The following ADCY2 variants were observed in gnomAD, a reference collection of about 807,000 sequenced individuals.
ADCY2 encodes the protein adenylate cyclase 2.
In ADCY2, 31 loss-of-function variants were observed where a neutral mutation model predicts 125.2. The ratio of observed to expected loss-of-function variants is 0.25; its 90% confidence interval spans 0.19 to 0.33. The LOEUF (loss-of-function observed/expected upper bound fraction) is 0.33, where lower values mean the gene tolerates loss of function less well. ADCY2 is among the 10% of genes least tolerant of loss of function. The pLI is 1.00. For missense variants in ADCY2, 904 were observed against 1,418.2 expected (o/e 0.64, Z 5.82); for synonymous variants, 512 against 548.4 (o/e 0.93, Z 0.93).
chr5:7,668,113 G>T (rs1265554230), intron 4 of ADCY2, among the ~76,000 whole-genome samples: 5 of 152,214 alleles, frequency 3.3e-5, no homozygotes, highest in African/African-American at 1.2e-4. Flanking sequence ...TGAAACTATG[G>T]TGGGATGGTT....
At chr5:7,740,555 T>A (rs1742378800) in intron 14 of ADCY2, among the ~76,000 whole-genome samples, 3 of 151,950 alleles carry the variant, frequency 2.0e-5, no homozygotes, top group Admixed American at 2.0e-4. Context: ...GACATAGAAG[T>A]TGAGCATATT....
rs143378043 is a variant in ADCY2 at position 7,771,945 on chromosome 5, C to T, written c.2215-987C>T. Among the ~76,000 whole-genome samples, 480 of 152,148 alleles carry T rather than the reference C, an allele frequency of 3.2e-3. 3 individuals are homozygous for T. Among genetic ancestry groups the T allele is most frequent in the African/African-American group, 0.011 (458 of 41,510 alleles). ...GGAATGCTGAGATAGAAACACAAACCCTTGTTCACAGAAACCCCGTAATGT... is the reference window on the plus strand; with the variant it reads ...GGAATGCTGAGATAGAAACACAAACTCTTGTTCACAGAAACCCCGTAATGT... On this transcript the variant is annotated intron_variant, in intron 17 of 24. Coordinates refer to ENST00000338316, the MANE Select transcript of ADCY2 (RefSeq NM_020546.3).
intron 18 of ADCY2, among the ~76,000 whole-genome samples, chr5:7,780,334 A>G (rs1296709679): frequency 6.6e-6 from 1 of 152,196 alleles, no homozygotes; most frequent in Non-Finnish European, 1.5e-5. Context: ...GGCATTATCA[A>G]TTCGGACAAG....
chr5:7,527,636 TATA>T (rs1447831108), intron 3 of ADCY2, among the ~76,000 whole-genome samples: 2 of 152,214 alleles, frequency 1.3e-5, no homozygotes, highest in Non-Finnish European at 2.9e-5. Flanking sequence ...CAGGATTACT[TATA>T]TGTTAGATAA....
intron 24 of ADCY2, chr5:7,826,510 T>A: frequency 1.4e-6 from 1 of 695,564 alleles, no homozygotes; most frequent in Middle Eastern, 3.6e-4. Flanking sequence ...TTGTTTCCAG[T>A]TTTTCACTAT....
chr5:7,459,112 A>G (rs540254886), intron 2 of ADCY2, among the ~76,000 whole-genome samples: 5 of 152,312 alleles, frequency 3.3e-5, no homozygotes, highest in Non-Finnish European at 5.9e-5. Context: ...ATCTTCTGAC[A>G]TACTTCTGTT....
chr5:7,626,190 C>T lies in ADCY2; in HGVS notation c.594C>T (p.Phe198=), dbSNP rs1738118621. The T allele has an allele frequency of 6.2e-7, 1 of 1,614,010 alleles. No individual in the cohort carries two copies. The highest frequency in any genetic ancestry group is 8.5e-7 in the Non-Finnish European group (1 of 1,179,944). The change falls in exon 4 of 25, where the codon TTC becomes TTT. Residue 198 remains phenylalanine, a synonymous_variant. Transcript: ENST00000338316. Reference sequence around the variant, plus strand: ...AGATCCTGGCCAATGTGATCATTTTCATCTGTGGGAACCTGGCGGGAGCCT... The same window carrying T: ...AGATCCTGGCCAATGTGATCATTTTTATCTGTGGGAACCTGGCGGGAGCCT... ...VWQILANVII[F]ICGNLAGAYH...
chr5:7,551,221 G>T (rs987431280), intron 3 of ADCY2, among the ~76,000 whole-genome samples: 3 of 152,006 alleles, frequency 2.0e-5, no homozygotes, highest in African/African-American at 7.3e-5. Flanking sequence ...TCTCTTGGTG[G>T]CTCTAAAAAT....
chr5:7,828,277 G>C lies in ADCY2; in HGVS notation c.*1406G>C, dbSNP rs1412098675. 1 of 152,734 alleles carries C rather than the reference G, an allele frequency of 6.5e-6. No individual in the cohort carries two copies. The highest frequency in any genetic ancestry group is 1.5e-5 in the Non-Finnish European group (1 of 68,044). 9.5% of individuals were successfully genotyped at this position (152,734 alleles called of 1,614,324 possible). On this transcript the variant is annotated 3_prime_UTR_variant, in exon 25 of 25. Coordinates refer to ENST00000338316, the MANE Select transcript of ADCY2 (RefSeq NM_020546.3). The stretch of plus-strand genomic sequence containing the variant: ...AGTAGAGAACCCAGATGATCTCTTA[G>C]GAAGCCTTTTATTCGTGGGAACTCG...
chr5:7,598,861 C>T (rs1317218017), intron 3 of ADCY2, among the ~76,000 whole-genome samples: 1 of 152,196 alleles, frequency 6.6e-6, no homozygotes, highest in Non-Finnish European at 1.5e-5. Context: ...CTCCCAGGTG[C>T]CTTCATTAAG....
intron 3 of ADCY2, among the ~76,000 whole-genome samples, chr5:7,608,817 C>A (rs1165796955): frequency 6.6e-6 from 1 of 152,102 alleles, no homozygotes; most frequent in African/African-American, 2.4e-5. Context: ...TTTAAGACAT[C>A]AAACTCTGAA....
chr5:7,687,877 C>T (rs1328892723), intron 4 of ADCY2, among the ~76,000 whole-genome samples: 1 of 152,174 alleles, frequency 6.6e-6, no homozygotes, highest in African/African-American at 2.4e-5. Context: ...CACAGGTTAT[C>T]ATCATAAGCT....
intron 22 of ADCY2, among the ~76,000 whole-genome samples, chr5:7,814,635 C>G (rs1745049317): frequency 6.6e-6 from 1 of 151,990 alleles, no homozygotes; most frequent in African/African-American, 2.4e-5. Flanking sequence ...CTTTAGCTAC[C>G]ACCTTAGTAG....
intron 3 of ADCY2, among the ~76,000 whole-genome samples, chr5:7,530,865 C>T (rs535022548): frequency 6.6e-6 from 1 of 152,132 alleles, no homozygotes; most frequent in African/African-American, 2.4e-5. Context: ...GAGTGCCTTT[C>T]CTACCCCTTC....
intron 3 of ADCY2, among the ~76,000 whole-genome samples, chr5:7,586,327 C>G (rs1283766789): frequency 6.6e-6 from 1 of 152,170 alleles, no homozygotes; most frequent in Non-Finnish European, 1.5e-5. Context: ...TGTGCAAACT[C>G]AAGCCAGAAT....
At chr5:7,769,437 A>T (rs1298152191) in intron 17 of ADCY2, among the ~76,000 whole-genome samples, 1 of 152,206 alleles carries the variant, frequency 6.6e-6, no homozygotes, top group Non-Finnish European at 1.5e-5. Flanking sequence ...GTATTATTTT[A>T]ATTTTTAAAA....
Position 7,709,341 on chromosome 5 carries a change from A to G in ADCY2, c.1532A>G (p.His511Arg). ...GCAGCCAAGCCCTTTGCACACCTACATCACAGGGACAGCATGACCACAGAG... is the reference window on the plus strand; with the variant it reads ...GCAGCCAAGCCCTTTGCACACCTACGTCACAGGGACAGCATGACCACAGAG... ...WGAAKPFAHL[H>R]HRDSMTTENG... The change falls in exon 10 of 25, where the codon CAT becomes CGT. Residue 511 changes from histidine (H) to arginine (R), a missense_variant. This residue lies in a region of ADCY2 where 144 missense variants were observed against 227.7 expected (regional missense o/e 0.63). Coordinates refer to ENST00000338316, the MANE Select transcript of ADCY2 (RefSeq NM_020546.3). This position sits in a 1 kb window ranked among gnomAD's most constrained non-coding sequence, Gnocchi z 4.4. 1 of 1,613,074 alleles carries G rather than the reference A, an allele frequency of 6.2e-7. No homozygotes were observed. The highest frequency in any genetic ancestry group is 1.1e-5 in the South Asian group (1 of 90,846).
In ADCY2 at chr5:7,683,095, G is replaced by A. The variant is rs572614518; in HGVS notation, c.721-7596G>A. 2.0e-5 allele frequency among the ~76,000 whole-genome samples: 3 copies of A among 152,294 alleles called. No individual in the cohort carries two copies. The East Asian group carries it at 5.8e-4, about 29-fold the overall frequency. Reference sequence around the variant, plus strand: ...ATGGACTGCAAGGCAGACAAGTGGGGGTTACCAGTGTGGGCTTCAAAGTCA... The same window carrying A: ...ATGGACTGCAAGGCAGACAAGTGGGAGTTACCAGTGTGGGCTTCAAAGTCA... On this transcript the variant is annotated intron_variant, in intron 4 of 24. Transcript: ENST00000338316.
chr5:7,754,716 AC>A (rs1467827600), intron 15 of ADCY2, among the ~76,000 whole-genome samples: 1 of 27,542 alleles, frequency 3.6e-5, no homozygotes, highest in African/African-American at 1.4e-4. Flanking sequence ...ATGGCAAAAA[AC>A]AAAACAAACA....
Sources: gnomAD v4.1 joint callset for allele counts (sites outside exome capture counted in the v4.1 genomes callset) on GRCh38, gnomAD v4.1.1 for gene constraint, gnomAD v4.1.1 regional missense constraint, Gnocchi (gnomAD v3.1) non-coding constraint, MANE v1.5 for transcripts, NCBI Gene and HGNC (gene_info 2026-07-23, HGNC 2026-07-21) for gene names.